Variants in DHRS7B observed in about 807,000 individuals in gnomAD.
The protein encoded by DHRS7B is dehydrogenase/reductase 7B, also known as peroxisomal reductase activating PPAR-gamma.
A neutral mutation model predicts 26.4 loss-of-function variants in DHRS7B; 24 were observed. The observed-to-expected ratio is 0.91, with a 90% CI of 0.66 to 1.28. The LOEUF (loss-of-function observed/expected upper bound fraction) is 1.28, where lower values mean the gene tolerates loss of function less well. Among genes scored for constraint, DHRS7B ranks in the 50% most tolerant of loss-of-function variants. The probability of loss-of-function intolerance (pLI) is 0.00; values close to 1 mark genes in which losing one functional copy is unlikely to be tolerated. For missense variants in DHRS7B, 368 were observed against 419.4 expected (o/e 0.88, Z 1.07); for synonymous variants, 142 against 166.4 (o/e 0.85, Z 1.13).
rs150677767 is a variant in DHRS7B, at chr17:21,173,517, G to A, written c.199+1321G>A. Among the ~76,000 whole-genome samples the A allele has an allele frequency of 3.0e-3, 462 of 152,322 alleles. 5 individuals carry two copies. Among genetic ancestry groups the A allele is most frequent in the African/African-American group, 0.01 (433 of 41,568 alleles). On this transcript the variant is annotated intron_variant, in intron 2 of 6. Coordinates refer to ENST00000395511, the MANE Select transcript of DHRS7B (RefSeq NM_015510.5). ...GTAGGGGAGAAGCACGGTCCTGTAG[G>A]GACTTATACAGTTGGGTGTTGCATG...
chr17:21,151,276 G>A (rs1003753295), intron 1 of DHRS7B, among the ~76,000 whole-genome samples: 20 of 152,186 alleles, frequency 1.3e-4, no homozygotes, highest in African/African-American at 4.1e-4. Flanking sequence ...GGAGGCCTAG[G>A]CAGGTGGATC....
intron 1 of DHRS7B, among the ~76,000 whole-genome samples, chr17:21,144,643 C>T (rs7212611): frequency 0.37 from 56,380 of 151,662 alleles, 10,517 homozygotes; most frequent in Middle Eastern, 0.43. Flanking sequence ...CATGGTGAAA[C>T]GCTGTCTCTA....
At chr17:21,169,348 G>T (rs530301759) in intron 1 of DHRS7B, among the ~76,000 whole-genome samples, 40 of 152,206 alleles carry the variant, frequency 2.6e-4, no homozygotes, top group Non-Finnish European at 5.0e-4. Context: ...GTGAGGTCCT[G>T]ATCCAGGAAC....
At chr17:21,146,785 G>C (rs1057165858) in intron 1 of DHRS7B, among the ~76,000 whole-genome samples, 1 of 152,210 alleles carries the variant, frequency 6.6e-6, no homozygotes, top group African/African-American at 2.4e-5. Flanking sequence ...TAAGAAGGAA[G>C]ATGTGGTTGG....
chr17:21,139,730 A>C (rs1300403256), intron 1 of DHRS7B, among the ~76,000 whole-genome samples: 2 of 152,106 alleles, frequency 1.3e-5, no homozygotes, highest in African/African-American at 4.8e-5. Flanking sequence ...TGCAAGCAAA[A>C]ATGAATGCTG....
chr17:21,186,200 C>T (rs545202794), intron 5 of DHRS7B, among the ~76,000 whole-genome samples: 19 of 152,288 alleles, frequency 1.2e-4, no homozygotes, highest in African/African-American at 4.1e-4. Context: ...ATGAGGAGAA[C>T]GGCATTTTCT....
intron 1 of DHRS7B, among the ~76,000 whole-genome samples, chr17:21,134,184 TTC>T (rs962220581): frequency 9.2e-5 from 14 of 152,230 alleles, no homozygotes; most frequent in African/African-American, 3.1e-4. Context: ...AACATAATTT[TTC>T]TCTCTCTGGT....
chr17:21,140,753 T>C (rs1472194563), intron 1 of DHRS7B, among the ~76,000 whole-genome samples: 1 of 152,134 alleles, frequency 6.6e-6, no homozygotes, highest in Non-Finnish European at 1.5e-5. Flanking sequence ...TCCTTTTCCT[T>C]AATGTGAATG....
Position 21,172,058 on chromosome 17 carries a change from T to C in DHRS7B, c.61T>C (p.Ser21Pro). 1 of 1,614,202 alleles carries C rather than the reference T, an allele frequency of 6.2e-7. No homozygotes were observed. Among genetic ancestry groups the C allele is most frequent in the Non-Finnish European group, 8.5e-7 (1 of 1,180,024 alleles). The change falls in exon 2 of 7, where the codon TCC (serine) becomes CCC (proline). Residue 21 changes from serine to proline, a missense_variant. Ser to Pro is a moderately conservative substitution (Grantham distance 74). Transcript: ENST00000395511. The stretch of plus-strand genomic sequence containing the variant: ...GGTGAAGGCCATGGACTTCATCACC[T>C]CCACAGCCATCCTGCCCCTGCTGTT... ...PKVKAMDFIT[S>P]TAILPLLFGC...
intron 1 of DHRS7B, among the ~76,000 whole-genome samples, chr17:21,150,638 A>G (rs1004688744): frequency 6.6e-6 from 1 of 152,192 alleles, no homozygotes. Flanking sequence ...TTTATTCATG[A>G]AAAAACATGG....
At chr17:21,146,619 G>A (rs1033205281) in intron 1 of DHRS7B, among the ~76,000 whole-genome samples, 7 of 152,168 alleles carry the variant, frequency 4.6e-5, no homozygotes, top group Admixed American at 1.3e-4. Flanking sequence ...ATTTGAAATG[G>A]TCATTCACAC....
Position 21,191,064 on chromosome 17 carries a change from G to A in DHRS7B, c.889G>A (p.Ala297Thr). 6.2e-7 allele frequency: 1 copy of A among 1,614,258 alleles called. No individual in the cohort carries two copies. The highest frequency in any genetic ancestry group is 8.5e-7 in the Non-Finnish European group (1 of 1,180,054). ...CCTGGCTGACTTACTGCCTTCCTTGGCTGTTTATCTTCGAACTCTGGCTCC... is the reference window on the plus strand; with the variant it reads ...CCTGGCTGACTTACTGCCTTCCTTGACTGTTTATCTTCGAACTCTGGCTCC... ...VILADLLPSLAVYLRTLAPGL... is the reference protein window; with the variant it reads ...VILADLLPSLTVYLRTLAPGL... The change falls in exon 7 of 7, where the codon GCT becomes ACT. Residue 297 changes from alanine to threonine, a missense_variant. Physicochemically the swap from Ala to Thr is moderately conservative, Grantham distance 58 (BLOSUM62 0). Coordinates refer to ENST00000395511, the MANE Select transcript of DHRS7B (RefSeq NM_015510.5).
intron 1 of DHRS7B, among the ~76,000 whole-genome samples, chr17:21,161,822 C>T (rs1195722643): frequency 6.6e-6 from 1 of 152,120 alleles, no homozygotes; most frequent in East Asian, 1.9e-4. Context: ...TTGGGAGTGG[C>T]ACAGCCTTCT....
At chr17:21,190,308 C>T (rs906282090) in intron 6 of DHRS7B, among the ~76,000 whole-genome samples, 2 of 152,198 alleles carry the variant, frequency 1.3e-5, no homozygotes, top group Non-Finnish European at 2.9e-5. Context: ...AACACTGCCT[C>T]CTAATCTCTC....
intron 1 of DHRS7B, among the ~76,000 whole-genome samples, chr17:21,144,858 G>T (rs892961352): frequency 1.3e-5 from 2 of 152,042 alleles, no homozygotes; most frequent in Admixed American, 6.5e-5. Context: ...ATAAAAGTAG[G>T]TATTGTAACT....
chr17:21,138,202 T>TC (rs2143895466), intron 1 of DHRS7B, among the ~76,000 whole-genome samples: 1 of 124,898 alleles, frequency 8.0e-6, no homozygotes, highest in African/African-American at 3.0e-5. Flanking sequence ...TGAACATCCA[T>TC]CCCTCCTTCT....
chr17:21,140,479 TACACACAC>T (rs4020775), intron 1 of DHRS7B, among the ~76,000 whole-genome samples: 1,603 of 83,678 alleles, frequency 0.019, 13 homozygotes, highest in South Asian at 0.028. Context: ...GCCTTTTAAA[TACACACAC>T]ACACACACAC....
chr17:21,165,802 G>A (rs966930690), intron 1 of DHRS7B, among the ~76,000 whole-genome samples: 1 of 151,682 alleles, frequency 6.6e-6, no homozygotes, highest in African/African-American at 2.4e-5. Context: ...TGTAGTCGCA[G>A]CTACGCGGGA....
intron 1 of DHRS7B, among the ~76,000 whole-genome samples, chr17:21,154,718 A>G (rs1973842649): frequency 1.3e-5 from 2 of 152,222 alleles, no homozygotes; most frequent in South Asian, 4.1e-4. Flanking sequence ...GTATTTTATT[A>G]TGTATGCTTT....
Sources: allele counts gnomAD v4.1 joint callset (sites outside exome capture counted in the v4.1 genomes callset), GRCh38; gene constraint gnomAD v4.1.1; transcripts MANE v1.5; gene names NCBI Gene and HGNC (gene_info 2026-07-23, HGNC 2026-07-21).